The following SND1 variants were observed in gnomAD, a reference collection of about 807,000 sequenced individuals.
The protein encoded by SND1 is staphylococcal nuclease domain-containing protein 1.
In SND1, 38 loss-of-function variants were observed where a neutral mutation model predicts 121.7. That is an observed-to-expected ratio of 0.31 (90% confidence interval 0.24 to 0.41). The LOEUF is 0.41. Among genes scored for constraint, SND1 ranks in the 10% least tolerant of loss-of-function variants. The pLI, the probability that SND1 is intolerant of heterozygous loss-of-function variation, is 1.00. For synonymous variants in SND1, 401 were observed against 447.4 expected (o/e 0.90, Z 1.31); for missense variants, 868 against 1,184.6 (o/e 0.73, Z 3.92).
intron 12 of SND1, among the ~76,000 whole-genome samples, chr7:127,883,033 T>G (rs904105400): frequency 2.6e-5 from 4 of 152,096 alleles, no homozygotes; most frequent in African/African-American, 9.7e-5. Context: ...AAAGAGATGT[T>G]TAGGGTTCTA....
At chr7:127,769,784 C>G (rs1217596828) in intron 10 of SND1, among the ~76,000 whole-genome samples, 1 of 152,154 alleles carries the variant, frequency 6.6e-6, no homozygotes, top group Non-Finnish European at 1.5e-5. Context: ...CTTTCCTTTT[C>G]CATTACAAAG....
At chr7:128,054,604 G>C (rs1793104871) in intron 16 of SND1, among the ~76,000 whole-genome samples, 1 of 152,184 alleles carries the variant, frequency 6.6e-6, no homozygotes, top group Non-Finnish European at 1.5e-5. Flanking sequence ...CTGGCCCTTT[G>C]ACCAAAGAGC....
In SND1 at chr7:127,887,809, C is replaced by T. The variant is rs569688261; in HGVS notation, c.1344-93C>T. The T allele has an allele frequency of 2.2e-4, 165 of 745,870 alleles. No homozygotes were observed. The African/African-American group carries it at 2.4e-3, about 11-fold the overall frequency. The allele number at this position is 745,870 out of a possible 1,614,324, so 46.2% of individuals were successfully genotyped here. A position where few individuals can be genotyped will look rare whatever the true frequency, so the allele number is the denominator to read the frequency against. On this transcript the variant is annotated intron_variant, in intron 12 of 23. Coordinates refer to ENST00000354725, the MANE Select transcript of SND1 (RefSeq NM_014390.4). ...GCTTCTCTCTCCCTCTGCCAGAATG[C>T]GTTAAGACCTCCAGGTGCTAACTGT...
intron 9 of SND1, among the ~76,000 whole-genome samples, chr7:127,710,397 G>C (rs1796277372): frequency 6.6e-6 from 1 of 150,814 alleles, no homozygotes; most frequent in Non-Finnish European, 1.5e-5. Context: ...AGGAGCTTGG[G>C]CCAGAATGTA....
chr7:127,652,363 C>A lies in SND1; in HGVS notation c.-11C>A. 6.3e-7 allele frequency: 1 copy of A among 1,592,076 alleles called. No homozygotes were observed. The highest frequency in any genetic ancestry group is 8.5e-7 in the Non-Finnish European group (1 of 1,169,630). On this transcript the variant is annotated 5_prime_UTR_variant, in exon 1 of 24. Transcript: ENST00000354725. Reference sequence around the variant, plus strand: ...CCAGCCGCTCCACTCGTTGCCTTTGCATCTCCACACATGGCGTCCTCCGCG... The same window carrying A: ...CCAGCCGCTCCACTCGTTGCCTTTGAATCTCCACACATGGCGTCCTCCGCG...
At chr7:127,677,146 A>G (rs972955485) in intron 1 of SND1, among the ~76,000 whole-genome samples, 1 of 152,232 alleles carries the variant, frequency 6.6e-6, no homozygotes, top group Non-Finnish European at 1.5e-5. Flanking sequence ...TCTTGTAACA[A>G]CAATGTTGGC....
chr7:127,765,499 T>G (rs1797394932), intron 10 of SND1, among the ~76,000 whole-genome samples: 1 of 152,222 alleles, frequency 6.6e-6, no homozygotes, highest in African/African-American at 2.4e-5. Context: ...CATTAGGCCC[T>G]TAGTAATTGG....
intron 13 of SND1, among the ~76,000 whole-genome samples, chr7:127,892,256 T>A (rs1226735604): frequency 6.6e-6 from 1 of 152,106 alleles, no homozygotes; most frequent in African/African-American, 2.4e-5. Context: ...TGCAAAGGGA[T>A]ATGATCTGCC....
chr7:128,081,704 C>T (rs1362226298), intron 18 of SND1, among the ~76,000 whole-genome samples: 1 of 152,226 alleles, frequency 6.6e-6, no homozygotes, highest in African/African-American at 2.4e-5. Flanking sequence ...GGAGCCTTCA[C>T]ATGAGCCCTG....
chr7:128,023,779 GTGTT>G (rs934142278), intron 16 of SND1, among the ~76,000 whole-genome samples: 12 of 152,304 alleles, frequency 7.9e-5, no homozygotes, highest in African/African-American at 2.6e-4. Context: ...GTTGATCTGT[GTGTT>G]TGTGTGTATT....
At chr7:127,813,261 C>G (rs144127537) in intron 11 of SND1, among the ~76,000 whole-genome samples, 1 of 152,166 alleles carries the variant, frequency 6.6e-6, no homozygotes, top group African/African-American at 2.4e-5. Flanking sequence ...TTTAGATGCT[C>G]TTTACCCTTT....
At chr7:127,971,125 A>C (rs891223817) in intron 15 of SND1, among the ~76,000 whole-genome samples, 1 of 152,178 alleles carries the variant, frequency 6.6e-6, no homozygotes, top group African/African-American at 2.4e-5. Flanking sequence ...CACCCTTTGC[A>C]GACTGATTGT....
chr7:127,703,170 A>G lies in SND1; in HGVS notation c.687A>G (p.Pro229=). The change falls in exon 7 of 24, where the codon CCA becomes CCG. Residue 229 remains proline, a synonymous_variant. Transcript: ENST00000354725. ...VTVMLSGIKC[P]TFRREADGSE... ...CTACCTTGCCTTTGCTTTAGTGCCCAACTTTTCGACGGGAAGCAGATGGCA... is the reference window on the plus strand; with the variant it reads ...CTACCTTGCCTTTGCTTTAGTGCCCGACTTTTCGACGGGAAGCAGATGGCA... The G allele has an allele frequency of 6.2e-7, 1 of 1,614,120 alleles. No homozygotes were observed.
intron 16 of SND1, among the ~76,000 whole-genome samples, chr7:128,041,876 G>A (rs1430210492): frequency 6.6e-6 from 1 of 152,200 alleles, no homozygotes; most frequent in Non-Finnish European, 1.5e-5. Flanking sequence ...TACCAGCCAA[G>A]AATGCTAAGC....
chr7:127,806,054 G>A (rs912887828), intron 10 of SND1, among the ~76,000 whole-genome samples: 2 of 152,174 alleles, frequency 1.3e-5, no homozygotes, highest in African/African-American at 4.8e-5. Context: ...GGGAGGTACT[G>A]TACTTGGCTC....
chr7:127,760,691 C>T (rs182544210), intron 10 of SND1, among the ~76,000 whole-genome samples: 11 of 152,318 alleles, frequency 7.2e-5, no homozygotes, highest in Non-Finnish European at 1.0e-4. Flanking sequence ...CTTCTCTTTG[C>T]CAACATTAAG....
Position 127,895,427 on chromosome 7 carries a change from A to T in SND1, c.1454+7415A>T, listed in dbSNP as rs145646104. ...TACAGGTTGAAAGCCAGCACAGAGG[A>T]GGAGACTGGCCTTTCTCTTAAATGT... On this transcript the variant is annotated intron_variant, in intron 13 of 23. Coordinates refer to ENST00000354725, the MANE Select transcript of SND1 (RefSeq NM_014390.4). Among the ~76,000 whole-genome samples, 3 of 152,150 alleles carry T rather than the reference A, an allele frequency of 2.0e-5. No individual in the cohort carries two copies. In the East Asian group the frequency reaches 5.8e-4, roughly 29 times the overall value.
intron 16 of SND1, among the ~76,000 whole-genome samples, chr7:128,071,136 C>G (rs1227907672): frequency 6.6e-6 from 1 of 152,086 alleles, no homozygotes; most frequent in African/African-American, 2.4e-5. Flanking sequence ...TGCAGAAATA[C>G]TAGGATGTGC....
chr7:128,062,006 G>T (rs1256338547), intron 16 of SND1, among the ~76,000 whole-genome samples: 1 of 152,242 alleles, frequency 6.6e-6, no homozygotes, highest in Non-Finnish European at 1.5e-5. Context: ...GTTATAATAG[G>T]TTTGAAACAG....
Sources: allele counts gnomAD v4.1 joint callset (sites outside exome capture counted in the v4.1 genomes callset), GRCh38; gene constraint gnomAD v4.1.1; transcripts MANE v1.5; gene names NCBI Gene and HGNC (gene_info 2026-07-23, HGNC 2026-07-21).